Variants in ZNF618 observed in about 807,000 individuals in gnomAD.
The protein encoded by ZNF618 is neural precursor cell expressed, developmentally down-regulated 10.
In ZNF618, 34 loss-of-function variants were observed where a neutral mutation model predicts 103.0. That is an observed-to-expected ratio of 0.33 (90% CI 0.25 to 0.44). The LOEUF is 0.44. ZNF618 is among the 20% of genes least tolerant of loss of function. The pLI is 1.00. For synonymous variants in ZNF618, 551 were observed against 542.2 expected, an observed-to-expected ratio of 1.02 and a Z score of -0.23; for missense variants, 1,059 against 1,295.4, an observed-to-expected ratio of 0.82 and a Z score of 2.80.
intron 1 of ZNF618, among the ~76,000 whole-genome samples, chr9:113,894,393 T>C (rs986987033): frequency 1.3e-5 from 2 of 152,208 alleles, no homozygotes; most frequent in African/African-American, 4.8e-5. Flanking sequence ...TTCACAGCCT[T>C]CTGGAATGTG....
intron 1 of ZNF618, among the ~76,000 whole-genome samples, chr9:113,931,300 G>T (rs1262993357): frequency 6.6e-6 from 1 of 152,236 alleles, no homozygotes; most frequent in Non-Finnish European, 1.5e-5. Context: ...TCGGGGAGAT[G>T]GCAGTTTAGG....
chr9:114,008,231 A>T lies in ZNF618; in HGVS notation c.641-113A>T, dbSNP rs1841924542. 5.5e-6 allele frequency: 8 copies of T among 1,460,888 alleles called. No individual in the cohort carries two copies. The East Asian group carries it at 1.2e-4, about 22-fold the overall frequency. 90.5% of individuals were successfully genotyped at this position (1,460,888 alleles called of 1,614,324 possible). ...GGCAGCCCTCCTGGGCCCCAAGGCA[A>T]ACCCATGGGGATAGGGGCTGGGAGC... On this transcript the variant is annotated intron_variant, in intron 7 of 14. Transcript: ENST00000374126.
intron 1 of ZNF618, among the ~76,000 whole-genome samples, chr9:113,900,586 C>A (rs1158389321): frequency 1.4e-5 from 2 of 145,050 alleles, no homozygotes; most frequent in African/African-American, 5.2e-5. Context: ...CTCCTAGCAC[C>A]GTCCTCTCCC....
chr9:113,976,260 C>T (rs1365884212), intron 2 of ZNF618, among the ~76,000 whole-genome samples: 2 of 152,308 alleles, frequency 1.3e-5, no homozygotes, highest in East Asian at 3.9e-4. Context: ...TCCCAATCAG[C>T]ACATGCCCCC....
At chr9:113,969,469 T>G (rs10982020) in intron 2 of ZNF618, among the ~76,000 whole-genome samples, 7,521 of 152,336 alleles carry the variant, frequency 0.049, 267 homozygotes, top group Non-Finnish European at 0.076. Flanking sequence ...CCATCTGGGC[T>G]GCTGCATGGC....
At chr9:113,976,571 C>T (rs550112620) in intron 2 of ZNF618, among the ~76,000 whole-genome samples, 1 of 152,290 alleles carries the variant, frequency 6.6e-6, no homozygotes, top group East Asian at 1.9e-4. Flanking sequence ...AGTGTCGGGA[C>T]ACCTCAAACC....
intron 10 of ZNF618, 42 bp downstream of exon 10, chr9:114,016,826 G>A (rs538139517): frequency 3.2e-5 from 48 of 1,520,556 alleles, no homozygotes; most frequent in South Asian, 2.3e-4. Context: ...TGGGGGACCC[G>A]GGACAGGGTG....
intron 1 of ZNF618, among the ~76,000 whole-genome samples, chr9:113,946,303 G>A (rs1238992256): frequency 6.6e-6 from 1 of 152,046 alleles, no homozygotes; most frequent in Non-Finnish European, 1.5e-5. Flanking sequence ...TTTAAAGAGG[G>A]GCGGTGGCTT....
At chr9:114,020,253 A>C (rs542843930) in intron 10 of ZNF618, among the ~76,000 whole-genome samples, 1 of 152,216 alleles carries the variant, frequency 6.6e-6, no homozygotes, top group African/African-American at 2.4e-5. Context: ...AGCTGCTCTT[A>C]GTTTTTCAGC....
In ZNF618 at chr9:114,028,901, C is replaced by A. The variant is rs1843749857; in HGVS notation, c.1013C>A (p.Thr338Asn). ...VVRCATLLHR[T>N]PPATQTQTFR... ...CGATGTGCCACCCTCTTACACCGCA[C>A]CCCTCCAGCCACCCAAACCCAGACG... The change falls in exon 11 of 15, where the codon ACC becomes AAC. Residue 338 changes from threonine to asparagine, a missense_variant. Physicochemically the swap from Thr to Asn is moderately conservative, Grantham distance 65. This residue lies in a region of ZNF618 where 434 missense variants were observed against 476.0 expected (regional missense o/e 0.91). Transcript: ENST00000374126. The A allele has an allele frequency of 6.4e-7, 1 of 1,550,524 alleles. No individual in the cohort carries two copies. Among genetic ancestry groups the A allele is most frequent in the Non-Finnish European group, 8.7e-7 (1 of 1,146,752 alleles).
rs76334233 is a variant in ZNF618, at chr9:113,993,250, C to T, written c.337+4670C>T. Among the ~76,000 whole-genome samples the T allele has an allele frequency of 2.6e-3, 403 of 152,302 alleles. 3 individuals carry two copies. The highest frequency in any genetic ancestry group is 0.02 in the East Asian group (103 of 5,170). On this transcript the variant is annotated intron_variant, in intron 3 of 14. Coordinates refer to ENST00000374126, the MANE Select transcript of ZNF618 (RefSeq NM_001318042.2). The stretch of plus-strand genomic sequence containing the variant: ...CGTGCCAAGGGCCTCCTGAGGACTT[C>T]GCTCACCCAGCCTCGCTCCGGGTTC...
intron 1 of ZNF618, among the ~76,000 whole-genome samples, chr9:113,951,500 T>TAC (rs1491022654): frequency 1.8e-5 from 2 of 108,202 alleles, no homozygotes; most frequent in African/African-American, 3.2e-5. Flanking sequence ...TGTGTATGTG[T>TAC]ACACATATAT....
Position 113,998,336 on chromosome 9 carries a change from G to T in ZNF618, c.415G>T (p.Ala139Ser). ...TTCAGGGACCTGGATTTTTGACCAA[G>T]CATTGAGATATGCATCTGGTACGTG... ...RYSGTWIFDQ[A>S]LRYASGSYEC... Residue 139 changes from alanine to serine, a missense_variant, in exon 4 of 15, where the codon GCA becomes TCA. This residue lies in a region of ZNF618 where 194 missense variants were observed against 209.0 expected (regional missense o/e 0.93). Coordinates refer to ENST00000374126, the MANE Select transcript of ZNF618 (RefSeq NM_001318042.2). 6.4e-7 allele frequency: 1 copy of T among 1,550,558 alleles called. No homozygotes were observed. Among genetic ancestry groups the T allele is most frequent in the Non-Finnish European group, 8.7e-7 (1 of 1,147,000 alleles).
chr9:114,018,693 T>A (rs1220521552), intron 10 of ZNF618, among the ~76,000 whole-genome samples: 1 of 152,196 alleles, frequency 6.6e-6, no homozygotes, highest in African/African-American at 2.4e-5. Flanking sequence ...CTGGTGCATC[T>A]CTCCTGAAGG....
At chr9:113,897,895 G>A (rs1830179717) in intron 1 of ZNF618, among the ~76,000 whole-genome samples, 1 of 152,166 alleles carries the variant, frequency 6.6e-6, no homozygotes, top group Admixed American at 6.5e-5. Context: ...CCAGGTTCAA[G>A]CAATTCTCCT....
intron 1 of ZNF618, among the ~76,000 whole-genome samples, chr9:113,913,891 G>A (rs148863660): frequency 1.3e-5 from 2 of 152,300 alleles, no homozygotes; most frequent in Admixed American, 6.5e-5. Flanking sequence ...GCTCCACGGG[G>A]ACATGGGAGA....
intron 13 of ZNF618, among the ~76,000 whole-genome samples, chr9:114,038,875 A>G (rs1844867895): frequency 6.6e-6 from 1 of 152,226 alleles, no homozygotes; most frequent in Non-Finnish European, 1.5e-5. Flanking sequence ...GCTCCTAAAA[A>G]AAGTATCCAA....
intron 1 of ZNF618, among the ~76,000 whole-genome samples, chr9:113,907,200 G>T (rs1049967989): frequency 6.6e-6 from 1 of 152,212 alleles, no homozygotes; most frequent in African/African-American, 2.4e-5. Flanking sequence ...TTGGAGTTGG[G>T]GGCTGGGGAT....
chr9:114,000,199 G>A (rs1841043145), intron 4 of ZNF618, among the ~76,000 whole-genome samples: 1 of 152,144 alleles, frequency 6.6e-6, no homozygotes. Flanking sequence ...ACCGGCTCCT[G>A]TTCCTCAGTA....
Sources: gnomAD v4.1 joint callset for allele counts (sites outside exome capture counted in the v4.1 genomes callset) on GRCh38, gnomAD v4.1.1 for gene constraint, gnomAD v4.1.1 regional missense constraint, MANE v1.5 for transcripts, NCBI Gene and HGNC (gene_info 2026-07-23, HGNC 2026-07-21) for gene names.